The following INPP5A variants were observed in gnomAD, a reference collection of about 807,000 sequenced individuals.
The protein encoded by INPP5A is inositol polyphosphate-5-phosphatase A.
In INPP5A, 14 loss-of-function variants were observed where a neutral mutation model predicts 65.2. That is an observed-to-expected ratio of 0.21 (90% confidence interval 0.14 to 0.34). The LOEUF is 0.34. Among genes scored for constraint, INPP5A ranks in the 10% least tolerant of loss-of-function variants. The probability of loss-of-function intolerance (pLI) is 1.00; values close to 1 mark genes in which losing one functional copy is unlikely to be tolerated. For synonymous variants in INPP5A, 207 were observed against 208.3 expected, an observed-to-expected ratio of 0.99 and a Z score of 0.05; for missense variants, 431 against 545.6, an observed-to-expected ratio of 0.79 and a Z score of 2.09.
At chr10:132,688,916 A>G (rs1845203371) in intron 4 of INPP5A, among the ~76,000 whole-genome samples, 1 of 151,746 alleles carries the variant, frequency 6.6e-6, no homozygotes, top group Non-Finnish European at 1.5e-5. Context: ...GTGAGTGTGC[A>G]TGAGTGCATG....
chr10:132,553,077 C>T (rs1291900128), intron 1 of INPP5A, among the ~76,000 whole-genome samples: 150 of 81,978 alleles, frequency 1.8e-3, no homozygotes, highest in South Asian at 4.8e-3. Context: ...TTGAGTAGGA[C>T]AGGGAGGGAG....
chr10:132,731,664 G>C (rs188277041), intron 9 of INPP5A, among the ~76,000 whole-genome samples: 1 of 152,234 alleles, frequency 6.6e-6, no homozygotes, highest in Non-Finnish European at 1.5e-5. Context: ...TCTGCTGGGA[G>C]TGGGGGCTCT....
chr10:132,552,056 C>G (rs536943604), intron 1 of INPP5A, among the ~76,000 whole-genome samples: 1 of 152,226 alleles, frequency 6.6e-6, no homozygotes, highest in African/African-American at 2.4e-5. Flanking sequence ...CCCATTCACT[C>G]GGGAGCATTT....
At chr10:132,720,809 G>T (rs1407722450) in intron 8 of INPP5A, among the ~76,000 whole-genome samples, 1 of 150,442 alleles carries the variant, frequency 6.6e-6, no homozygotes, top group Non-Finnish European at 1.5e-5. Context: ...TTAGATGGCT[G>T]TCTTGCGGGT....
intron 11 of INPP5A, among the ~76,000 whole-genome samples, chr10:132,763,731 A>G (rs1367627689): frequency 3.9e-5 from 6 of 152,052 alleles, no homozygotes; most frequent in Admixed American, 2.0e-4. Flanking sequence ...ATGTGCCTGC[A>G]TGCACACACA....
intron 1 of INPP5A, among the ~76,000 whole-genome samples, chr10:132,569,825 A>C (rs372704430): frequency 1.6e-3 from 181 of 112,722 alleles, no homozygotes; most frequent in African/African-American, 2.5e-3. Context: ...TTTTTAATTG[A>C]ATTTTTAGTA....
At chr10:132,688,837 AGT>A (rs556387901) in intron 4 of INPP5A, among the ~76,000 whole-genome samples, 222 of 150,208 alleles carry the variant, frequency 1.5e-3, no homozygotes, top group Non-Finnish European at 2.5e-3. Flanking sequence ...TGCAAGTGTA[AGT>A]GTGCGTGAGT....
chr10:132,648,329 C>T (rs557285893), intron 3 of INPP5A, among the ~76,000 whole-genome samples: 6 of 152,384 alleles, frequency 3.9e-5, no homozygotes, highest in South Asian at 2.1e-4. Context: ...CTTGTGCCCC[C>T]GCGATGCCGT....
chr10:132,570,006 G>T (rs2071320527), intron 1 of INPP5A, among the ~76,000 whole-genome samples: 1 of 145,030 alleles, frequency 6.9e-6, no homozygotes, highest in Admixed American at 7.2e-5. Flanking sequence ...CACCATATTG[G>T]CCAGGCTGGT....
chr10:132,749,163 C>T (rs1404467834), intron 9 of INPP5A, among the ~76,000 whole-genome samples: 2 of 152,274 alleles, frequency 1.3e-5, no homozygotes, highest in Non-Finnish European at 2.9e-5. Context: ...AGGAGGCCGG[C>T]CATGTGCCCC....
At chr10:132,756,823 G>T (rs1364311866) in intron 11 of INPP5A, among the ~76,000 whole-genome samples, 1 of 152,266 alleles carries the variant, frequency 6.6e-6, no homozygotes, top group Admixed American at 6.5e-5. Context: ...GCTGCATGCG[G>T]GTGGTTGCCC....
chr10:132,779,290 T>C (rs945012908), intron 13 of INPP5A, among the ~76,000 whole-genome samples: 3 of 152,234 alleles, frequency 2.0e-5, no homozygotes, highest in Non-Finnish European at 4.4e-5. Flanking sequence ...CGGTGCCACA[T>C]GGTGGGTGCT....
chr10:132,719,635 G>A (rs1191962324), intron 8 of INPP5A, among the ~76,000 whole-genome samples: 1 of 138,110 alleles, frequency 7.2e-6, no homozygotes, highest in African/African-American at 3.2e-5. Context: ...CAGCTGTCTT[G>A]CGGGTTCTGT....
chr10:132,554,821 T>G (rs2071104704), intron 1 of INPP5A, among the ~76,000 whole-genome samples: 1 of 148,734 alleles, frequency 6.7e-6, no homozygotes, highest in Non-Finnish European at 1.5e-5. Context: ...TGGCGTGGTA[T>G]TGTGTGTGGC....
intron 4 of INPP5A, among the ~76,000 whole-genome samples, chr10:132,657,962 G>A (rs571006134): frequency 3.3e-5 from 5 of 152,350 alleles, no homozygotes; most frequent in Admixed American, 2.0e-4. Context: ...CCTGCTCCCC[G>A]GCCCCAGCAC....
intron 2 of INPP5A, among the ~76,000 whole-genome samples, chr10:132,617,127 G>C (rs879671425): frequency 6.6e-6 from 1 of 152,188 alleles, no homozygotes; most frequent in Non-Finnish European, 1.5e-5. Flanking sequence ...ACCGCGCCCT[G>C]GTTGGTGGCT....
chr10:132,704,641 T>C lies in INPP5A; in HGVS notation c.475-3672T>C, dbSNP rs2134515959. Among the ~76,000 whole-genome samples, 1 of 152,306 alleles carries C rather than the reference T, an allele frequency of 6.6e-6. No individual in the cohort carries two copies. The highest frequency in any genetic ancestry group is 2.1e-4 in the South Asian group (1 of 4,830). On this transcript the variant is annotated intron_variant, in intron 6 of 15. Coordinates refer to ENST00000368594, the MANE Select transcript of INPP5A (RefSeq NM_005539.5). This position sits in a 1 kb window ranked among gnomAD's most constrained non-coding sequence, Gnocchi z 4.5. Reference sequence around the variant, plus strand: ...GCCTTGAGGCCCTGGGTGCTGCTGGTGTGGATCCTGTGCGTGGCTGGGCCG... The same window carrying C: ...GCCTTGAGGCCCTGGGTGCTGCTGGCGTGGATCCTGTGCGTGGCTGGGCCG...
chr10:132,677,972 G>A (rs1457358501), intron 4 of INPP5A, among the ~76,000 whole-genome samples: 3 of 152,336 alleles, frequency 2.0e-5, no homozygotes, highest in South Asian at 2.1e-4. Context: ...AACCTCTAGC[G>A]TCAGCTGTCG....
At chr10:132,681,153 G>A (rs2073038732) in intron 4 of INPP5A, among the ~76,000 whole-genome samples, 1 of 152,356 alleles carries the variant, frequency 6.6e-6, no homozygotes, top group Non-Finnish European at 1.5e-5. Context: ...TTTGTATCTA[G>A]CTCAGGGATT....
Sources: gnomAD v4.1 joint callset for allele counts (sites outside exome capture counted in the v4.1 genomes callset) on GRCh38, gnomAD v4.1.1 for gene constraint, Gnocchi (gnomAD v3.1) non-coding constraint, MANE v1.5 for transcripts, NCBI Gene and HGNC (gene_info 2026-07-23, HGNC 2026-07-21) for gene names.